Variants in HECW1 observed in about 807,000 individuals in gnomAD.
HECW1 encodes the protein E3 ubiquitin-protein ligase HECW1.
A neutral mutation model predicts 182.3 loss-of-function variants in HECW1; 61 were observed. The observed-to-expected ratio is 0.33, with a 90% CI of 0.27 to 0.41. HECW1 has a LOEUF of 0.41. HECW1 is among the 10% of genes least tolerant of loss of function. The probability of loss-of-function intolerance (pLI) is 1.00; values close to 1 mark genes in which losing one functional copy is unlikely to be tolerated. For synonymous variants in HECW1, 859 were observed against 832.6 expected (o/e 1.03, Z -0.55); for missense variants, 1,739 against 2,108.9 (o/e 0.82, Z 3.44).
At chr7:43,292,905 A>G (rs1174320986) in intron 3 of HECW1, among the ~76,000 whole-genome samples, 1 of 152,198 alleles carries the variant, frequency 6.6e-6, no homozygotes, top group East Asian at 1.9e-4. Context: ...AAAGCAAAGA[A>G]AGAATGAAGC....
intron 2 of HECW1, among the ~76,000 whole-genome samples, chr7:43,218,564 G>A (rs1260187161): frequency 6.6e-6 from 1 of 152,176 alleles, no homozygotes; most frequent in Non-Finnish European, 1.5e-5. Context: ...GTGACCAGCA[G>A]TATAGATCAC....
At chr7:43,271,440 A>C (rs1241742866) in intron 3 of HECW1, among the ~76,000 whole-genome samples, 1 of 152,172 alleles carries the variant, frequency 6.6e-6, no homozygotes, top group Non-Finnish European at 1.5e-5. Context: ...GAATTATATG[A>C]TTCTGTACTT....
At chr7:43,201,007 G>A (rs1371489896) in intron 2 of HECW1, among the ~76,000 whole-genome samples, 1 of 152,200 alleles carries the variant, frequency 6.6e-6, no homozygotes, top group African/African-American at 2.4e-5. Context: ...TTCACAGTGG[G>A]GAAGAAATAC....
chr7:43,490,125 T>C (rs1250083949), intron 17 of HECW1, among the ~76,000 whole-genome samples: 4 of 152,238 alleles, frequency 2.6e-5, no homozygotes, highest in Non-Finnish European at 5.9e-5. Context: ...ACTTGGGACA[T>C]GAATTAACTG....
intron 3 of HECW1, among the ~76,000 whole-genome samples, chr7:43,276,036 A>T (rs1287730083): frequency 6.6e-6 from 1 of 152,204 alleles, no homozygotes; most frequent in African/African-American, 2.4e-5. Flanking sequence ...GGTTTAAAGA[A>T]TCAATTGTGC....
intron 17 of HECW1, among the ~76,000 whole-genome samples, chr7:43,485,430 G>A (rs1416763980): frequency 6.6e-6 from 1 of 152,206 alleles, no homozygotes; most frequent in Non-Finnish European, 1.5e-5. Flanking sequence ...TTTAATTACA[G>A]TCATACATCA....
chr7:43,285,084 G>T (rs2152750557), intron 3 of HECW1, among the ~76,000 whole-genome samples: 1 of 151,348 alleles, frequency 6.6e-6, no homozygotes, highest in East Asian at 1.9e-4. Flanking sequence ...GGTAAAAAAT[G>T]GACCAGCTCT....
chr7:43,194,032 T>C (rs1380843509), intron 2 of HECW1, among the ~76,000 whole-genome samples: 1 of 152,204 alleles, frequency 6.6e-6, no homozygotes, highest in Non-Finnish European at 1.5e-5. Context: ...TGTTTGGAAT[T>C]TGGCATCTTA....
intron 15 of HECW1, among the ~76,000 whole-genome samples, chr7:43,468,504 G>A (rs77123694): frequency 0.014 from 2,064 of 152,146 alleles, 43 homozygotes; most frequent in African/African-American, 0.048. Context: ...GGCCAAGGGG[G>A]CATGATTCAA....
intron 6 of HECW1, among the ~76,000 whole-genome samples, chr7:43,383,612 C>T (rs1405999880): frequency 6.6e-6 from 1 of 152,090 alleles, no homozygotes; most frequent in Non-Finnish European, 1.5e-5. Flanking sequence ...TATCCTTTGC[C>T]CACTTTTTGA....
intron 3 of HECW1, among the ~76,000 whole-genome samples, chr7:43,302,743 C>T (rs903719040): frequency 1.3e-5 from 2 of 152,220 alleles, no homozygotes; most frequent in Non-Finnish European, 2.9e-5. Flanking sequence ...GAGGTGAACA[C>T]ATATCCTTTT....
intron 2 of HECW1, among the ~76,000 whole-genome samples, chr7:43,205,979 A>G (rs556000749): frequency 6.6e-6 from 1 of 152,226 alleles, no homozygotes; most frequent in Non-Finnish European, 1.5e-5. Flanking sequence ...CTCCCCATCC[A>G]GGACACCCTC....
rs769412749 is a variant in HECW1, at chr7:43,473,418, C to T, written c.3099+4313C>T. Among the ~76,000 whole-genome samples, 3 of 152,126 alleles carry T rather than the reference C, an allele frequency of 2.0e-5. No homozygotes were observed. In the South Asian group the frequency reaches 6.2e-4, roughly 32 times the overall value. On this transcript the variant is annotated intron_variant, in intron 16 of 29. Coordinates refer to ENST00000395891, the MANE Select transcript of HECW1 (RefSeq NM_015052.5). ...GATGGATCACTAATGAATCAAAGCA[C>T]GACATTAATAGTGAGAAAATGATAG...
chr7:43,147,197 G>T (rs995010987), intron 2 of HECW1, among the ~76,000 whole-genome samples: 3 of 151,956 alleles, frequency 2.0e-5, no homozygotes, highest in African/African-American at 7.3e-5. Flanking sequence ...TGCCTATTCT[G>T]ATTTCTCTAA....
At chr7:43,264,842 T>TA (rs36094358) in intron 3 of HECW1, among the ~76,000 whole-genome samples, 83,578 of 129,134 alleles carry the variant, frequency 0.65, 27,192 homozygotes, top group Non-Finnish European at 0.7. Flanking sequence ...AGACTCGGTT[T>TA]AAAAAAAAAA....
chr7:43,415,830 A>G (rs1294138089), intron 8 of HECW1, among the ~76,000 whole-genome samples: 5 of 138,410 alleles, frequency 3.6e-5, no homozygotes, highest in African/African-American at 1.4e-4. Context: ...TCGGCTCCTG[A>G]GGCTTCTGCA....
chr7:43,253,938 T>A (rs1800300095), intron 3 of HECW1, among the ~76,000 whole-genome samples: 1 of 151,908 alleles, frequency 6.6e-6, no homozygotes, highest in Non-Finnish European at 1.5e-5. Context: ...TATGCAGAGA[T>A]ATCACATGAA....
intron 2 of HECW1, among the ~76,000 whole-genome samples, chr7:43,221,678 C>T (rs1041391148): frequency 9.4e-5 from 14 of 149,642 alleles, no homozygotes; most frequent in Admixed American, 1.3e-4. Context: ...CTCAGCCTCC[C>T]GAGTAGCTGG....
chr7:43,281,217 C>T (rs1212256518), intron 3 of HECW1, among the ~76,000 whole-genome samples: 3 of 152,108 alleles, frequency 2.0e-5, no homozygotes, highest in African/African-American at 7.2e-5. Context: ...AGCCCCAGCC[C>T]GAATCATTTG....
Sources: allele counts gnomAD v4.1 joint callset (sites outside exome capture counted in the v4.1 genomes callset), GRCh38; gene constraint gnomAD v4.1.1; transcripts MANE v1.5; gene names NCBI Gene and HGNC (gene_info 2026-07-23, HGNC 2026-07-21).